The following E2F2 variants were observed in gnomAD, a reference collection of about 807,000 sequenced individuals.
E2F2 encodes the protein E2F transcription factor 2, also known as transcription factor E2F2.
E2F2 carries 22 observed loss-of-function variants against 42.2 expected under a neutral mutation model. The observed-to-expected ratio is 0.52, with a 90% confidence interval of 0.37 to 0.74. The LOEUF (loss-of-function observed/expected upper bound fraction) is 0.74, where lower values mean the gene tolerates loss of function less well. Ranked by LOEUF, E2F2 falls within the 30% of genes least tolerant of loss-of-function variation. The probability of loss-of-function intolerance (pLI) is 0.00; values close to 1 mark genes in which losing one functional copy is unlikely to be tolerated. For synonymous variants in E2F2, 248 were observed against 251.6 expected, an observed-to-expected ratio of 0.99 and a Z score of 0.13; for missense variants, 481 against 557.8, an observed-to-expected ratio of 0.86 and a Z score of 1.39.
chr1:23,510,740 C>A (rs1224591846), intron 6 of E2F2, among the ~76,000 whole-genome samples: 1 of 152,114 alleles, frequency 6.6e-6, no homozygotes, highest in Non-Finnish European at 1.5e-5. Flanking sequence ...GATACTTAGT[C>A]AAAATCGCAG....
At chr1:23,515,770 G>C (rs1643005956) in intron 6 of E2F2, among the ~76,000 whole-genome samples, 1 of 151,766 alleles carries the variant, frequency 6.6e-6, no homozygotes, top group Non-Finnish European at 1.5e-5. Flanking sequence ...GGCATGATCA[G>C]AGCTCACTGT....
intron 1 of E2F2, among the ~76,000 whole-genome samples, chr1:23,529,164 C>T (rs1224450639): frequency 6.6e-6 from 1 of 152,234 alleles, no homozygotes; most frequent in Non-Finnish European, 1.5e-5. Context: ...CAGTTTCCCC[C>T]TGTAACATGG....
Position 23,530,880 on chromosome 1 carries a change from G to C in E2F2, c.-87C>G. On this transcript the variant is annotated 5_prime_UTR_variant, in exon 1 of 7. Transcript: ENST00000361729. This position sits in a 1 kb window ranked among gnomAD's most constrained non-coding sequence, Gnocchi z 4.4. ...GGTGCTGCCGCCTTTCACACGGCCCGCGGCATGGCGCGGAGGCCGGGGGAA... is the reference window on the plus strand; with the variant it reads ...GGTGCTGCCGCCTTTCACACGGCCCCCGGCATGGCGCGGAGGCCGGGGGAA... 1 of 1,393,306 alleles carries C rather than the reference G, an allele frequency of 7.2e-7. No individual in the cohort carries two copies. The highest frequency in any genetic ancestry group is 3.1e-5 in the Admixed American group (1 of 32,664). 86.3% of individuals were successfully genotyped at this position (1,393,306 alleles called of 1,614,324 possible). A position where few individuals can be genotyped will look rare whatever the true frequency, so the allele number is the denominator to read the frequency against.
intron 5 of E2F2, among the ~76,000 whole-genome samples, chr1:23,516,749 C>A (rs1264649768): frequency 7.5e-6 from 1 of 133,974 alleles, no homozygotes; most frequent in East Asian, 2.2e-4. Context: ...CTTGATTTTC[C>A]TGTGGGAAAT....
chr1:23,517,929 G>A (rs1254202413), intron 5 of E2F2, among the ~76,000 whole-genome samples: 1 of 152,158 alleles, frequency 6.6e-6, no homozygotes, highest in Non-Finnish European at 1.5e-5. Flanking sequence ...CAGCACTTTG[G>A]GAGGCCAAGG....
Position 23,520,920 on chromosome 1 carries a change from T to C in E2F2, c.730A>G (p.Asn244Asp). Residue 244 changes from asparagine (N) to aspartate (D), a missense_variant, in exon 4 of 7, where the codon AAC (asparagine) becomes GAC (aspartate). Asn to Asp is a conservative substitution (Grantham distance 23). Coordinates refer to ENST00000361729, the MANE Select transcript of E2F2 (RefSeq NM_004091.4). Reference sequence around the variant, plus strand: ...CCCAACCAAGGAGGATATCTCTTGTTGGCCTTGTCCTCAGTCAGGTGCTTG... The same window carrying C: ...CCCAACCAAGGAGGATATCTCTTGTCGGCCTTGTCCTCAGTCAGGTGCTTG... ...SFKHLTEDKA[N>D]KRLAYVTYQD... 6.3e-7 allele frequency: 1 copy of C among 1,589,084 alleles called. No individual in the cohort carries two copies. Among genetic ancestry groups the C allele is most frequent in the Non-Finnish European group, 8.6e-7 (1 of 1,168,310 alleles).
chr1:23,517,955 T>A (rs571771913), intron 5 of E2F2, among the ~76,000 whole-genome samples: 1 of 151,930 alleles, frequency 6.6e-6, no homozygotes, highest in South Asian at 2.1e-4. Context: ...AAATCACTTC[T>A]ATGCCGAAGT....
chr1:23,522,093 G>A (rs1350624743), intron 2 of E2F2, 37 bp from the exon 3 acceptor site: 3 of 1,598,738 alleles, frequency 1.9e-6, no homozygotes, highest in South Asian at 2.2e-5. Context: ...GCTCAGGGAG[G>A]GGAGGGCCCG....
intron 6 of E2F2, among the ~76,000 whole-genome samples, chr1:23,515,696 A>C (rs1162535163): frequency 6.6e-6 from 1 of 150,404 alleles, no homozygotes; most frequent in African/African-American, 2.5e-5. Context: ...TATTTTTTAA[A>C]ATTTTATTCT....
At chr1:23,526,048 T>C (rs1643245238) in intron 1 of E2F2, among the ~76,000 whole-genome samples, 1 of 151,920 alleles carries the variant, frequency 6.6e-6, no homozygotes, top group South Asian at 2.1e-4. Flanking sequence ...CCTGGGCTGA[T>C]GTGAGGAGCC....
Position 23,522,092 on chromosome 1 carries a change from G to A in E2F2, c.359-36C>T, listed in dbSNP as rs1389886180. On this transcript the variant is annotated intron_variant, in intron 2 of 6. Transcript: ENST00000361729. ...AAGGGACCCAGTCACAGCTCAGGGA[G>A]GGGAGGGCCCGCCCAGGACCCTCGT... 1.9e-6 allele frequency: 3 copies of A among 1,601,212 alleles called. No individual in the cohort carries two copies. In the African/African-American group the frequency reaches 4.0e-5, roughly 21 times the overall value.
chr1:23,514,597 G>A (rs1333769766), intron 6 of E2F2, among the ~76,000 whole-genome samples: 1 of 151,794 alleles, frequency 6.6e-6, no homozygotes, highest in Non-Finnish European at 1.5e-5. Flanking sequence ...GGAAGCCAAG[G>A]CAGGTGGATC....
At chr1:23,513,259 G>A (rs188009000) in intron 6 of E2F2, among the ~76,000 whole-genome samples, 3 of 152,098 alleles carry the variant, frequency 2.0e-5, no homozygotes, top group Non-Finnish European at 2.9e-5. Context: ...TTCACTCACA[G>A]TCACCAAGTC....
chr1:23,518,625 T>G (rs1643073884), intron 5 of E2F2, among the ~76,000 whole-genome samples: 1 of 152,086 alleles, frequency 6.6e-6, no homozygotes, highest in Admixed American at 6.6e-5. Flanking sequence ...CAACGTCAGC[T>G]GGGGTCTCAG....
At chr1:23,519,890 C>A (rs1165786314) in intron 4 of E2F2, among the ~76,000 whole-genome samples, 2 of 152,008 alleles carry the variant, frequency 1.3e-5, no homozygotes, top group Non-Finnish European at 2.9e-5. Flanking sequence ...CCAGCCTGAC[C>A]AACATGGTGA....
chr1:23,517,870 T>C (rs1037733730), intron 5 of E2F2, among the ~76,000 whole-genome samples: 3 of 152,066 alleles, frequency 2.0e-5, no homozygotes, highest in Non-Finnish European at 2.9e-5. Flanking sequence ...GGGAAGAGCA[T>C]GTATGAGGGT....
chr1:23,520,243 CAAAAAAA>C (rs66460864), intron 4 of E2F2, among the ~76,000 whole-genome samples: 7 of 78,866 alleles, frequency 8.9e-5, no homozygotes, highest in African/African-American at 5.8e-4. Flanking sequence ...GACTCTGTCT[CAAAAAAA>C]AAAAAAAAAA....
intron 4 of E2F2, 44 bp downstream of exon 4, chr1:23,520,869 C>G: frequency 6.7e-7 from 1 of 1,491,392 alleles, no homozygotes; most frequent in Non-Finnish European, 9.0e-7. Flanking sequence ...AAACATGCAA[C>G]AGGTTCCTGC....
chr1:23,519,641 G>T (rs1027517848), intron 4 of E2F2, among the ~76,000 whole-genome samples: 1 of 152,206 alleles, frequency 6.6e-6, no homozygotes, highest in Admixed American at 6.5e-5. Flanking sequence ...TATGTATAAA[G>T]ATATTCGGCC....
Sources: gnomAD v4.1 joint callset for allele counts (sites outside exome capture counted in the v4.1 genomes callset) on GRCh38, gnomAD v4.1.1 for gene constraint, Gnocchi (gnomAD v3.1) non-coding constraint, MANE v1.5 for transcripts, NCBI Gene and HGNC (gene_info 2026-07-23, HGNC 2026-07-21) for gene names.